EGFLAM: variants seen among roughly 807,000 people sequenced by gnomAD.
EGFLAM encodes EGF like, fibronectin type III and laminin G domains.
A neutral mutation model predicts 113.1 loss-of-function variants in EGFLAM; 79 were observed. The observed-to-expected ratio is 0.70, with a 90% confidence interval of 0.58 to 0.84. The LOEUF (loss-of-function observed/expected upper bound fraction) is 0.84, where lower values mean the gene tolerates loss of function less well. Ranked by LOEUF, EGFLAM falls within the 40% of genes least tolerant of loss-of-function variation. The pLI is 0.00. For synonymous variants in EGFLAM, 504 were observed against 487.6 expected (o/e 1.03, Z -0.44); for missense variants, 1,265 against 1,291.6 (o/e 0.98, Z 0.32).
At chr5:38,444,343 G>C (rs778769999) in intron 17 of EGFLAM, among the ~76,000 whole-genome samples, 1 of 152,180 alleles carries the variant, frequency 6.6e-6, no homozygotes, top group Non-Finnish European at 1.5e-5. Context: ...GAAGAGATTT[G>C]TTAAAGGATA....
intron 1 of EGFLAM, among the ~76,000 whole-genome samples, chr5:38,302,904 A>G (rs953856770): frequency 4.6e-5 from 7 of 152,166 alleles, no homozygotes; most frequent in Admixed American, 4.6e-4. Context: ...AGAAACCTCC[A>G]TCCTCACTAC....
Position 38,406,930 on chromosome 5 carries a change from C to G in EGFLAM, c.931C>G (p.Pro311Ala), listed in dbSNP as rs764887956. The G allele has an allele frequency of 6.2e-6, 10 of 1,614,198 alleles. 1 individual carries two copies. The South Asian group carries it at 7.7e-5, about 12-fold the overall frequency. ...NPKTISRLIP[P>A]TSASLPVTTV... is the part of the protein sequence containing the mutation. ...AAAGACCATTTCTAGGCTCATCCCC[C>G]CTACCTCAGCATCTCTCCCTGTGAC... Residue 311 changes from proline (P) to alanine (A), a missense_variant, in exon 8 of 22, where the codon CCT becomes GCT. Coordinates refer to ENST00000322350, the MANE Select transcript of EGFLAM (RefSeq NM_152403.4).
intron 1 of EGFLAM, among the ~76,000 whole-genome samples, chr5:38,262,738 A>G (rs1434262061): frequency 6.6e-6 from 1 of 152,164 alleles, no homozygotes; most frequent in East Asian, 1.9e-4. Context: ...TAGTTGGTGG[A>G]CTTTTAAGTT....
chr5:38,350,122 T>C (rs1739582145), intron 3 of EGFLAM, among the ~76,000 whole-genome samples: 1 of 152,182 alleles, frequency 6.6e-6, no homozygotes, highest in African/African-American at 2.4e-5. Context: ...AGCTATTCTC[T>C]GAGCATCTGA....
At chr5:38,339,988 G>T (rs1739295386) in intron 3 of EGFLAM, among the ~76,000 whole-genome samples, 1 of 152,152 alleles carries the variant, frequency 6.6e-6, no homozygotes. Flanking sequence ...GAGTCTGATT[G>T]TCCCTAGTAG....
At chr5:38,337,889 G>GT (rs1234690194) in intron 2 of EGFLAM, among the ~76,000 whole-genome samples, 7 of 152,270 alleles carry the variant, frequency 4.6e-5, no homozygotes, top group African/African-American at 1.7e-4. Flanking sequence ...AAAGGACATG[G>GT]TTTTTGCTAT....
At chr5:38,269,443 G>A (rs1453011089) in intron 1 of EGFLAM, among the ~76,000 whole-genome samples, 1 of 151,308 alleles carries the variant, frequency 6.6e-6, no homozygotes, top group Non-Finnish European at 1.5e-5. Context: ...GCTGTGGGCT[G>A]ATCTCAACAA....
chr5:38,394,751 A>G (rs1014493280), intron 6 of EGFLAM, among the ~76,000 whole-genome samples: 2 of 117,634 alleles, frequency 1.7e-5, no homozygotes, highest in African/African-American at 7.2e-5. Context: ...GCTTGTTTAG[A>G]TTTATTTACA....
At chr5:38,318,135 A>G (rs1301051423) in intron 1 of EGFLAM, among the ~76,000 whole-genome samples, 1 of 151,994 alleles carries the variant, frequency 6.6e-6, no homozygotes, top group Non-Finnish European at 1.5e-5. Flanking sequence ...CATGGAAGAG[A>G]GTCTCCTGCT....
chr5:38,436,703 AC>A (rs1455973435), intron 16 of EGFLAM, among the ~76,000 whole-genome samples: 2 of 152,092 alleles, frequency 1.3e-5, no homozygotes, highest in African/African-American at 2.4e-5. Flanking sequence ...TGCTAGAAAG[AC>A]CACCCTCTCT....
intron 12 of EGFLAM, among the ~76,000 whole-genome samples, chr5:38,423,048 A>G (rs1741885750): frequency 6.6e-6 from 1 of 152,118 alleles, no homozygotes; most frequent in South Asian, 2.1e-4. Flanking sequence ...GGGTATTTCC[A>G]CAGTCACCTT....
At chr5:38,303,585 C>T (rs1218605179) in intron 1 of EGFLAM, among the ~76,000 whole-genome samples, 2 of 152,272 alleles carry the variant, frequency 1.3e-5, no homozygotes, top group East Asian at 3.9e-4. Flanking sequence ...ACTCACTCTT[C>T]TTTGTCTTCC....
chr5:38,344,529 C>G (rs1041379706), intron 3 of EGFLAM, among the ~76,000 whole-genome samples: 2 of 150,130 alleles, frequency 1.3e-5, no homozygotes, highest in Admixed American at 1.3e-4. Flanking sequence ...TTGGGCTCTT[C>G]TTACATGGTA....
chr5:38,447,274 G>T (rs1742743705), intron 17 of EGFLAM, among the ~76,000 whole-genome samples: 1 of 152,190 alleles, frequency 6.6e-6, no homozygotes, highest in African/African-American at 2.4e-5. Context: ...TTGGAAAGTT[G>T]AGAGGGGGCC....
chr5:38,419,276 G>A (rs1741753551), intron 12 of EGFLAM, among the ~76,000 whole-genome samples: 1 of 152,208 alleles, frequency 6.6e-6, no homozygotes, highest in African/African-American at 2.4e-5. Flanking sequence ...TGGGGGAAAA[G>A]CTGTTCAGTT....
intron 5 of EGFLAM, among the ~76,000 whole-genome samples, chr5:38,356,535 C>T (rs771008061): frequency 3.3e-5 from 5 of 152,146 alleles, no homozygotes; most frequent in Non-Finnish European, 7.4e-5. Context: ...AAATTAGAAC[C>T]GAATTCTCCT....
intron 1 of EGFLAM, among the ~76,000 whole-genome samples, chr5:38,261,007 G>T (rs956592968): frequency 7.9e-5 from 12 of 152,106 alleles, no homozygotes; most frequent in African/African-American, 2.7e-4. Context: ...TGAAGGTATC[G>T]TGGCCACGGT....
intron 1 of EGFLAM, among the ~76,000 whole-genome samples, chr5:38,326,073 C>T (rs1289810760): frequency 6.6e-6 from 1 of 152,128 alleles, no homozygotes; most frequent in Non-Finnish European, 1.5e-5. Context: ...CTGCTGGGAG[C>T]ACTGGGCTTC....
chr5:38,407,166 G>A lies in EGFLAM; in HGVS notation c.1147+20G>A, dbSNP rs1437780096. 1 of 1,575,172 alleles carries A rather than the reference G, an allele frequency of 6.3e-7. No individual in the cohort carries two copies. Among genetic ancestry groups the A allele is most frequent in the Non-Finnish European group, 8.5e-7 (1 of 1,171,110 alleles). On this transcript the variant is annotated intron_variant, in intron 8 of 21. Coordinates refer to ENST00000322350, the MANE Select transcript of EGFLAM (RefSeq NM_152403.4). ...CAGAAGGTAGGCCCTTGGGGGAGAG[G>A]AAGAAGTGGTGATGAATTGGCACCA...
Sources: allele counts gnomAD v4.1 joint callset (sites outside exome capture counted in the v4.1 genomes callset), GRCh38; gene constraint gnomAD v4.1.1; transcripts MANE v1.5; gene names NCBI Gene and HGNC (gene_info 2026-07-23, HGNC 2026-07-21).